L3MBTL3: variants seen among roughly 807,000 people sequenced by gnomAD.
L3MBTL3 encodes lethal(3)malignant brain tumor-like protein 3.
A neutral mutation model predicts 102.3 loss-of-function variants in L3MBTL3; 27 were observed. The ratio of observed to expected loss-of-function variants is 0.26; its 90% CI spans 0.19 to 0.36. The LOEUF (loss-of-function observed/expected upper bound fraction) is 0.36, where lower values mean the gene tolerates loss of function less well. Among genes scored for constraint, L3MBTL3 ranks in the 10% least tolerant of loss-of-function variants. The pLI is 1.00. For synonymous variants in L3MBTL3, 340 were observed against 320.9 expected (o/e 1.06, Z -0.64); for missense variants, 798 against 955.3 (o/e 0.84, Z 2.17).
At chr6:130,121,521 AT>A (rs912352562) in intron 20 of L3MBTL3, among the ~76,000 whole-genome samples, 1 of 152,106 alleles carries the variant, frequency 6.6e-6, no homozygotes, top group Non-Finnish European at 1.5e-5. Flanking sequence ...TTTTATATGG[AT>A]TCATTTATGG....
At position 130,060,102 on chromosome 6, in the gene L3MBTL3, G is replaced by A. The variant is rs767826800; in HGVS notation, c.826G>A (p.Glu276Lys). 5 of 1,612,982 alleles carry A rather than the reference G, an allele frequency of 3.1e-6. No homozygotes were observed. In the South Asian group the frequency reaches 3.3e-5, roughly 11 times the overall value. Reference sequence around the variant, plus strand: ...CATGAAATTAGAAGGCGTGGATCCTGAGCATCAGTCTGTGTACTGTGTCCT... The same window carrying A: ...CATGAAATTAGAAGGCGTGGATCCTAAGCATCAGTCTGTGTACTGTGTCCT... ...VGMKLEGVDP[E>K]HQSVYCVLTV... Residue 276 changes from glutamate to lysine, a missense_variant, in exon 10 of 23, where the codon GAG (glutamate) becomes AAG (lysine). By Grantham distance (56) the Glu-to-Lys change is moderately conservative. This residue lies in a region of L3MBTL3 where 434 missense variants were observed against 506.6 expected (regional missense o/e 0.86). Coordinates refer to ENST00000361794, the MANE Select transcript of L3MBTL3 (RefSeq NM_032438.4).
intron 3 of L3MBTL3, among the ~76,000 whole-genome samples, chr6:130,046,952 A>T (rs968726059): frequency 6.6e-6 from 1 of 152,238 alleles, no homozygotes; most frequent in African/African-American, 2.4e-5. Context: ...ATTTTCTATC[A>T]TAGCAATGTT....
In L3MBTL3 at chr6:130,120,900, C is replaced by A; in HGVS notation, c.1908C>A (p.Val636=). The stretch of plus-strand genomic sequence containing the variant: ...TTAGAGACCAGCATGCTGATGATGT[C>A]AAAGAAGACTTTGAAGAGAGAACAG... ...PEIRDQHADD[V]KEDFEERTES... The change falls in exon 20 of 23, where the codon GTC becomes GTA. Residue 636 remains valine (V), a synonymous_variant. Transcript: ENST00000361794. The A allele has an allele frequency of 6.2e-7, 1 of 1,611,782 alleles. No individual in the cohort carries two copies. Among genetic ancestry groups the A allele is most frequent in the African/African-American group, 1.3e-5 (1 of 74,840 alleles).
intron 2 of L3MBTL3, among the ~76,000 whole-genome samples, chr6:130,034,498 G>T (rs901832670): frequency 6.6e-6 from 1 of 151,892 alleles, no homozygotes; most frequent in Admixed American, 6.6e-5. Flanking sequence ...AGTTTTGTTC[G>T]CACAATGTGT....
intron 20 of L3MBTL3, among the ~76,000 whole-genome samples, chr6:130,130,876 T>A (rs1418223906): frequency 6.6e-6 from 1 of 152,238 alleles, no homozygotes; most frequent in Non-Finnish European, 1.5e-5. Flanking sequence ...CATAGTGACT[T>A]TCTAGCATTC....
rs1411434138 is a variant in L3MBTL3 at position 130,141,103 on chromosome 6, T to C, written c.*1350T>C. On this transcript the variant is annotated 3_prime_UTR_variant, in exon 23 of 23. Coordinates refer to ENST00000361794, the MANE Select transcript of L3MBTL3 (RefSeq NM_032438.4). The stretch of plus-strand genomic sequence containing the variant: ...TACTTTCTGATTCCAGGATTGGATA[T>C]TTATTCAAGGACTATTTTAAAAATA... The C allele has an allele frequency of 1.3e-5, 2 of 152,362 alleles. No individual in the cohort carries two copies. Among genetic ancestry groups the C allele is most frequent in the African/African-American group, 4.8e-5 (2 of 41,470 alleles). The allele number at this position is 152,362 out of a possible 1,614,324, so 9.4% of individuals were successfully genotyped here. A position where few individuals can be genotyped will look rare whatever the true frequency, so the allele number is the denominator to read the frequency against.
chr6:130,036,776 A>G (rs150190067), intron 2 of L3MBTL3, among the ~76,000 whole-genome samples: 2 of 152,366 alleles, frequency 1.3e-5, no homozygotes, highest in African/African-American at 4.8e-5. Context: ...TGGACTTGGT[A>G]TTTATATTAA....
intron 2 of L3MBTL3, among the ~76,000 whole-genome samples, chr6:130,027,154 T>C (rs112905262): frequency 1.1e-3 from 174 of 152,312 alleles, no homozygotes; most frequent in African/African-American, 3.9e-3. Flanking sequence ...CTCTCTGTTA[T>C]ATGAGTTACG....
chr6:130,080,429 T>G (rs1783258384), intron 14 of L3MBTL3, among the ~76,000 whole-genome samples: 1 of 152,154 alleles, frequency 6.6e-6, no homozygotes, highest in Non-Finnish European at 1.5e-5. Context: ...CCATCTAAAA[T>G]GCTGTGAGGA....
Position 130,072,088 on chromosome 6 carries a change from CTG to C in L3MBTL3, c.1244+964_1244+965del, listed in dbSNP as rs1395979856. Among the ~76,000 whole-genome samples the C allele has an allele frequency of 4.6e-5, 7 of 152,090 alleles. No individual in the cohort carries two copies. The South Asian group carries it at 1.5e-3, about 32-fold the overall frequency. ...CCCAAGTACGGTTGGCCTTCTGTAT[CTG>C]TGGGTTGCACATCCATGGATTCAAC... On this transcript the variant is annotated intron_variant, in intron 13 of 22. Coordinates refer to ENST00000361794, the MANE Select transcript of L3MBTL3 (RefSeq NM_032438.4).
chr6:130,075,761 T>C (rs1481443611), intron 13 of L3MBTL3, among the ~76,000 whole-genome samples: 1 of 151,972 alleles, frequency 6.6e-6, no homozygotes, highest in Non-Finnish European at 1.5e-5. Flanking sequence ...TTTCTGAAAC[T>C]ATGGGTAATA....
At chr6:130,137,687 CA>C in intron 22 of L3MBTL3, 2 of 152,230 alleles carry the variant, frequency 1.3e-5, no homozygotes, top group East Asian at 1.9e-4. Context: ...CTGTCTGCGC[CA>C]GGCCTTCAGT....
intron 19 of L3MBTL3, among the ~76,000 whole-genome samples, chr6:130,118,060 G>T (rs1355604007): frequency 2.0e-5 from 3 of 151,864 alleles, no homozygotes. Context: ...TACAGAGTCA[G>T]TCTCTTCATT....
chr6:130,033,063 G>A (rs374577655), intron 2 of L3MBTL3, among the ~76,000 whole-genome samples: 14 of 152,274 alleles, frequency 9.2e-5, no homozygotes, highest in African/African-American at 3.4e-4. Context: ...ACCTTGGAAA[G>A]TGATACGAAG....
chr6:130,068,807 T>G (rs543065333), intron 12 of L3MBTL3, among the ~76,000 whole-genome samples: 1 of 152,194 alleles, frequency 6.6e-6, no homozygotes, highest in African/African-American at 2.4e-5. Flanking sequence ...AGGAGGTCAC[T>G]GGAGACTGTG....
chr6:130,041,061 T>G (rs1780392285), intron 2 of L3MBTL3, among the ~76,000 whole-genome samples: 1 of 152,224 alleles, frequency 6.6e-6, no homozygotes, highest in Non-Finnish European at 1.5e-5. Flanking sequence ...TGAGTATTTT[T>G]ATGAAAATAG....
rs368105732 is a variant in L3MBTL3 at position 130,091,465 on chromosome 6, T to TA, written c.1519-1272dup. ...AAAAGGTAAAAAATATATAATAACC[T>TA]AAAAAAAACATGGTCGATTCCTAGT... is the stretch of plus-strand genomic sequence containing the variant. On this transcript the variant is annotated intron_variant, in intron 16 of 22. Transcript: ENST00000361794. 2.2e-4 allele frequency among the ~76,000 whole-genome samples: 34 copies of TA among 151,782 alleles called. No individual in the cohort carries two copies. In the East Asian group the frequency reaches 4.3e-3, roughly 19 times the overall value.
At chr6:130,025,471 G>T (rs1584268587) in intron 2 of L3MBTL3, among the ~76,000 whole-genome samples, 1 of 152,144 alleles carries the variant, frequency 6.6e-6, no homozygotes, top group Non-Finnish European at 1.5e-5. Flanking sequence ...CCAAGAAAGG[G>T]TATCCTTGAT....
intron 10 of L3MBTL3, among the ~76,000 whole-genome samples, chr6:130,063,511 G>C (rs1283199749): frequency 6.6e-6 from 1 of 152,160 alleles, no homozygotes; most frequent in African/African-American, 2.4e-5. Flanking sequence ...TGGAACCATT[G>C]CTCTTAGGGG....
Sources: gnomAD v4.1 joint callset for allele counts (sites outside exome capture counted in the v4.1 genomes callset) on GRCh38, gnomAD v4.1.1 for gene constraint, gnomAD v4.1.1 regional missense constraint, MANE v1.5 for transcripts, NCBI Gene and HGNC (gene_info 2026-07-23, HGNC 2026-07-21) for gene names.